PARPBP: variants seen among roughly 807,000 people sequenced by gnomAD.
PARPBP encodes the protein PARP1 binding protein.
In PARPBP, 52 loss-of-function variants were observed where a neutral mutation model predicts 50.0. That is an observed-to-expected ratio of 1.04 (90% CI 0.83 to 1.31). The LOEUF (loss-of-function observed/expected upper bound fraction) is 1.31. Ranked by LOEUF, PARPBP falls within the 50% of genes most tolerant of loss-of-function variation. The pLI is 0.00. For missense variants in PARPBP, 697 were observed against 672.0 expected, an observed-to-expected ratio of 1.04 and a Z score of -0.41; for synonymous variants, 244 against 232.1, an observed-to-expected ratio of 1.05 and a Z score of -0.47.
intron 4 of PARPBP, among the ~76,000 whole-genome samples, chr12:102,163,277 C>T (rs1418478088): frequency 6.6e-6 from 1 of 152,174 alleles, no homozygotes; most frequent in African/African-American, 2.4e-5. Context: ...TGTTTCTCAG[C>T]ATTTTTAATA....
intron 2 of PARPBP, among the ~76,000 whole-genome samples, chr12:102,128,904 T>TATAAACTAATTAG: frequency 6.6e-6 from 1 of 152,344 alleles, no homozygotes; most frequent in East Asian, 1.9e-4. Flanking sequence ...ACTGTAATGC[T>TATAAACTAATTAG]TATACTAATT....
intron 4 of PARPBP, 117 bp downstream of exon 4, chr12:102,154,093 A>G (rs1417088299): frequency 3.2e-6 from 2 of 622,558 alleles, no homozygotes; most frequent in African/African-American, 1.8e-5. Flanking sequence ...AATCTTTAGT[A>G]TGTTTAAAAC....
intron 2 of PARPBP, among the ~76,000 whole-genome samples, chr12:102,139,613 G>A (rs1340599566): frequency 6.6e-6 from 1 of 152,200 alleles, no homozygotes; most frequent in Admixed American, 6.5e-5. Context: ...GATATTGGCT[G>A]TGGCTTTGTC....
At chr12:102,154,224 G>T (rs1334784591) in intron 4 of PARPBP, among the ~76,000 whole-genome samples, 2 of 152,198 alleles carry the variant, frequency 1.3e-5, no homozygotes, top group Non-Finnish European at 2.9e-5. Context: ...TATCAGGAAA[G>T]TAATTGAAGG....
intron 5 of PARPBP, among the ~76,000 whole-genome samples, chr12:102,165,198 C>G (rs1425160114): frequency 6.6e-6 from 1 of 152,118 alleles, no homozygotes; most frequent in African/African-American, 2.4e-5. Flanking sequence ...TAAGGACAAG[C>G]CTTTTGAACT....
At chr12:102,168,421 G>C (rs929891789) in intron 6 of PARPBP, among the ~76,000 whole-genome samples, 2 of 152,100 alleles carry the variant, frequency 1.3e-5, no homozygotes, top group African/African-American at 4.8e-5. Context: ...GAGGAAGTGA[G>C]TATCTAAATA....
intron 1 of PARPBP, chr12:102,120,531 CCG>C: frequency 2.2e-6 from 1 of 456,274 alleles, no homozygotes; most frequent in South Asian, 1.5e-5. Context: ...GAAGACAGGC[CCG>C]TAGAGGCCTG....
chr12:102,185,051 G>C (rs1197912362), intron 9 of PARPBP, among the ~76,000 whole-genome samples: 1 of 152,136 alleles, frequency 6.6e-6, no homozygotes, highest in African/African-American at 2.4e-5. Context: ...ATTATATGGA[G>C]TAAATTAACT....
In PARPBP at chr12:102,196,254, C is replaced by A; in HGVS notation, c.1703C>A (p.Ser568Tyr). ...TGTACTGCCAAGGACAAGTTGATTT[C>A]TGGCCAGGCAAAGTTAACTCAGTTT... is the stretch of plus-strand genomic sequence containing the variant. ...NKCTAKDKLI[S>Y]GQAKLTQFFR... is the part of the protein sequence containing the mutation. Residue 568 changes from serine (S) to tyrosine (Y), a missense_variant, in exon 11 of 11, where the codon TCT (serine) becomes TAT (tyrosine). Coordinates refer to ENST00000327680, the MANE Select transcript of PARPBP (RefSeq NM_017915.5). 2 of 1,598,056 alleles carry A rather than the reference C, an allele frequency of 1.3e-6. No individual in the cohort carries two copies. The highest frequency in any genetic ancestry group is 1.8e-5 in the Admixed American group (1 of 56,276).
chr12:102,176,247 G>C (rs1889269719), intron 7 of PARPBP, among the ~76,000 whole-genome samples: 1 of 152,140 alleles, frequency 6.6e-6, no homozygotes, highest in Non-Finnish European at 1.5e-5. Context: ...CTCCCAAAGT[G>C]CTGGGATTAC....
At chr12:102,121,294 A>C (rs993687615) in intron 1 of PARPBP, among the ~76,000 whole-genome samples, 1 of 152,198 alleles carries the variant, frequency 6.6e-6, no homozygotes, top group Non-Finnish European at 1.5e-5. Flanking sequence ...GGTTGGGGGA[A>C]AAAATGAAAA....
In PARPBP at chr12:102,196,498, C is replaced by T; in HGVS notation, c.*207C>T. ...CACAAAGTTTAATGCACAGAGAAAG[C>T]ATATCATTTCAGTTACTGATACATC... On this transcript the variant is annotated 3_prime_UTR_variant, in exon 11 of 11. Coordinates refer to ENST00000327680, the MANE Select transcript of PARPBP (RefSeq NM_017915.5). 1 of 741,222 alleles carries T rather than the reference C, an allele frequency of 1.3e-6. No homozygotes were observed. Among genetic ancestry groups the T allele is most frequent in the South Asian group, 1.7e-5 (1 of 59,560 alleles). The allele number at this position is 741,222 out of a possible 1,614,324, so 45.9% of individuals were successfully genotyped here.
chr12:102,159,049 T>G (rs1887275924), intron 4 of PARPBP, among the ~76,000 whole-genome samples: 1 of 152,230 alleles, frequency 6.6e-6, no homozygotes, highest in Non-Finnish European at 1.5e-5. Context: ...AGTATTAAAT[T>G]GGCAGCCATC....
At chr12:102,154,091 G>A (rs1170690059) in intron 4 of PARPBP, 115 bp downstream of exon 4, 1 of 624,636 alleles carries the variant, frequency 1.6e-6, no homozygotes, top group African/African-American at 1.8e-5. Flanking sequence ...CAAATCTTTA[G>A]TATGTTTAAA....
intron 3 of PARPBP, chr12:102,151,682 A>G: frequency 5.2e-6 from 8 of 1,535,636 alleles, no homozygotes; most frequent in Non-Finnish European, 7.0e-6. Context: ...CTGGAGCGGC[A>G]GAAGGGAGAG....
intron 2 of PARPBP, among the ~76,000 whole-genome samples, chr12:102,125,358 G>A (rs1881835166): frequency 1.3e-5 from 2 of 152,140 alleles, no homozygotes; most frequent in Admixed American, 1.3e-4. Flanking sequence ...ATGCGACTAA[G>A]GAATATGCAG....
intron 4 of PARPBP, 112 bp from the exon 5 acceptor site, chr12:102,164,326 T>C: frequency 1.4e-6 from 1 of 736,674 alleles, no homozygotes; most frequent in Non-Finnish European, 2.2e-6. Flanking sequence ...TTCTAAAGAG[T>C]TAAGTGAGGT....
At position 102,177,523 on chromosome 12, in the gene PARPBP, A is replaced by G. The variant is rs139193224; in HGVS notation, c.1006-1069A>G. The stretch of plus-strand genomic sequence containing the variant: ...ATTATTATATATTTTATTTTATTCT[A>G]TCTAGTCATGAAGTTTTTTTCAGCT... On this transcript the variant is annotated intron_variant, in intron 7 of 10. Transcript: ENST00000327680. Among the ~76,000 whole-genome samples, 63 of 151,972 alleles carry G rather than the reference A, an allele frequency of 4.1e-4. 2 individuals carry two copies. In the East Asian group the frequency reaches 0.012, roughly 29 times the overall value.
chr12:102,143,077 C>G (rs1884865617), intron 2 of PARPBP, among the ~76,000 whole-genome samples: 1 of 152,190 alleles, frequency 6.6e-6, no homozygotes, highest in Non-Finnish European at 1.5e-5. Context: ...CAGCTATGCC[C>G]CGCCCTCAGA....
Sources: allele counts gnomAD v4.1 joint callset (sites outside exome capture counted in the v4.1 genomes callset), GRCh38; gene constraint gnomAD v4.1.1; transcripts MANE v1.5; gene names NCBI Gene and HGNC (gene_info 2026-07-23, HGNC 2026-07-21).